The following PLA2G4A variants were observed in gnomAD, a reference collection of about 807,000 sequenced individuals.
The protein encoded by PLA2G4A is phospholipase A2 group IVA.
PLA2G4A carries 40 observed loss-of-function variants against 81.9 expected under a neutral mutation model. The ratio of observed to expected loss-of-function variants is 0.49; its 90% CI spans 0.38 to 0.64. PLA2G4A has a LOEUF of 0.64. Among genes scored for constraint, PLA2G4A ranks in the 30% least tolerant of loss-of-function variants. The probability of loss-of-function intolerance (pLI) is 0.00; values close to 1 mark genes in which losing one functional copy is unlikely to be tolerated. For missense variants in PLA2G4A, 715 were observed against 905.1 expected (o/e 0.79, Z 2.69); for synonymous variants, 302 against 296.9 (o/e 1.02, Z -0.18).
At chr1:186,863,690 A>G (rs1303578970) in intron 2 of PLA2G4A, among the ~76,000 whole-genome samples, 1 of 151,524 alleles carries the variant, frequency 6.6e-6, no homozygotes, top group Non-Finnish European at 1.5e-5. Context: ...CTCTACTTCT[A>G]TGGCATCAAC....
intron 3 of PLA2G4A, among the ~76,000 whole-genome samples, chr1:186,880,948 T>C (rs916821202): frequency 1.3e-5 from 2 of 152,042 alleles, no homozygotes; most frequent in African/African-American, 4.8e-5. Flanking sequence ...TTAGTCTTCT[T>C]TGTGTTGTTT....
intron 10 of PLA2G4A, 55 bp from the exon 11 acceptor site, chr1:186,946,582 C>T: frequency 8.2e-7 from 1 of 1,218,342 alleles, no homozygotes. Flanking sequence ...ATTGTGCACA[C>T]CATGCCATAG....
intron 7 of PLA2G4A, among the ~76,000 whole-genome samples, chr1:186,922,492 G>A (rs964892394): frequency 1.4e-4 from 22 of 152,148 alleles, no homozygotes; most frequent in African/African-American, 3.4e-4. Context: ...GGCCTGCCAC[G>A]CGCTGCTCTG....
chr1:186,971,633 A>G (rs1657359837), intron 15 of PLA2G4A, among the ~76,000 whole-genome samples: 1 of 152,030 alleles, frequency 6.6e-6, no homozygotes, highest in Admixed American at 6.6e-5. Context: ...CAGAGTTGGA[A>G]TATTAAAAGT....
At chr1:186,853,303 A>G (rs1652440528) in intron 1 of PLA2G4A, among the ~76,000 whole-genome samples, 1 of 151,892 alleles carries the variant, frequency 6.6e-6, no homozygotes, top group Non-Finnish European at 1.5e-5. Flanking sequence ...TGCTTTAAGT[A>G]TTAAGAAAAA....
rs910546382 is a variant in PLA2G4A, at chr1:186,829,008, A to C, written c.-97A>C. On this transcript the variant is annotated 5_prime_UTR_variant, in exon 1 of 18. Coordinates refer to ENST00000367466, the MANE Select transcript of PLA2G4A (RefSeq NM_024420.3). Reference sequence around the variant, plus strand: ...AAAAAGGATCCTGACTGAAAGCTAGAGGCATTGAGGAGCCTGAAGATTCTC... The same window carrying C: ...AAAAAGGATCCTGACTGAAAGCTAGCGGCATTGAGGAGCCTGAAGATTCTC... 2.0e-5 allele frequency: 3 copies of C among 152,154 alleles called. No individual in the cohort carries two copies. The highest frequency in any genetic ancestry group is 2.0e-4 in the Admixed American group (3 of 15,266). 9.4% of individuals were successfully genotyped at this position (152,154 alleles called of 1,614,324 possible).
rs539459583 is a variant in PLA2G4A at position 186,946,364 on chromosome 1, C to T, written c.1034-273C>T. Among the ~76,000 whole-genome samples, 34 of 152,188 alleles carry T rather than the reference C, an allele frequency of 2.2e-4. 1 individual carries two copies. Among genetic ancestry groups the T allele is most frequent in the African/African-American group, 8.2e-4 (34 of 41,540 alleles). ...AGAATGAAAACTGGCTTCAAAAAGA[C>T]ATCTGAGTTTTTAAATAGAAAAGTG... On this transcript the variant is annotated intron_variant, in intron 10 of 17. Transcript: ENST00000367466.
chr1:186,961,042 C>A (rs997880053), intron 14 of PLA2G4A, among the ~76,000 whole-genome samples: 1 of 151,902 alleles, frequency 6.6e-6, no homozygotes, highest in Non-Finnish European at 1.5e-5. Flanking sequence ...TTGTTTTTTG[C>A]AACATGGGTG....
At position 186,837,747 on chromosome 1, in the gene PLA2G4A, A is replaced by AAAAAG. The variant is rs1273111393; in HGVS notation, c.-70+8716_-70+8717insGAAAA. On this transcript the variant is annotated intron_variant, in intron 1 of 17. Transcript: ENST00000367466. ...GAGAGACTCCGTCTCAAAAAAAAAAAAAAAAGAAAAAGAAAAGAAAAAAAG... is the reference window on the plus strand; with the variant it reads ...GAGAGACTCCGTCTCAAAAAAAAAAAAAAAGAAAAAGAAAAAGAAAAGAAAAAAAG... 5.4e-4 allele frequency among the ~76,000 whole-genome samples: 80 copies of AAAAAG among 148,450 alleles called. 10 individuals are homozygous for AAAAAG. The highest frequency in any genetic ancestry group is 1.9e-3 in the African/African-American group (74 of 39,596).
Position 186,950,709 on chromosome 1 carries a change from T to C in PLA2G4A, c.1317T>C (p.Asp439=). The change falls in exon 13 of 18, where the codon GAT becomes GAC. Residue 439 remains aspartate, a synonymous_variant. Coordinates refer to ENST00000367466, the MANE Select transcript of PLA2G4A (RefSeq NM_024420.3). ...IVSNDSSDSD[D]ESHEPKGTEN... is the part of the protein sequence containing the mutation. ...GTAATGATAGCTCGGACAGTGATGA[T>C]GAATCACACGAACCCAAAGGTGAGT... is the stretch of plus-strand genomic sequence containing the variant. 1 of 1,598,512 alleles carries C rather than the reference T, an allele frequency of 6.3e-7. No homozygotes were observed. Among genetic ancestry groups the C allele is most frequent in the Non-Finnish European group, 8.6e-7 (1 of 1,166,046 alleles).
At chr1:186,862,223 C>CTTTTTTTTTTTTTTTT (rs66584780) in intron 2 of PLA2G4A, among the ~76,000 whole-genome samples, 27 of 126,276 alleles carry the variant, frequency 2.1e-4, no homozygotes, top group East Asian at 4.4e-4. Flanking sequence ...TAGTTATGAA[C>CTTTTTTTTTTTTTTTT]TTTTTTTTTG....
chr1:186,977,145 A>C (rs968107311), intron 15 of PLA2G4A, among the ~76,000 whole-genome samples: 5 of 152,240 alleles, frequency 3.3e-5, no homozygotes, highest in African/African-American at 1.2e-4. Flanking sequence ...ACATAAAATG[A>C]ATGAAGTTTT....
rs58475951 is a variant in PLA2G4A, at chr1:186,968,400, A to ATGTGTGTGTGTGTGTGTGTG, written c.1764+2821_1764+2840dup. On this transcript the variant is annotated intron_variant, in intron 15 of 17. Coordinates refer to ENST00000367466, the MANE Select transcript of PLA2G4A (RefSeq NM_024420.3). The stretch of plus-strand genomic sequence containing the variant: ...CTTCTAGTCTCTTTTCGCGGTGTGT[A>ATGTGTGTGTGTGTGTGTGTG]TGTGTGTGTGTGTGTGTGTGTGTGT... Among the ~76,000 whole-genome samples, 857 of 137,404 alleles carry ATGTGTGTGTGTGTGTGTGTG rather than the reference A, an allele frequency of 6.2e-3. 23 individuals carry two copies. Among genetic ancestry groups the ATGTGTGTGTGTGTGTGTGTG allele is most frequent in the African/African-American group, 0.021 (739 of 35,920 alleles). The allele number at this position is 137,404 out of a possible 152,430, so 90.1% of individuals were successfully genotyped here.
intron 7 of PLA2G4A, among the ~76,000 whole-genome samples, chr1:186,931,343 G>A (rs977593644): frequency 6.6e-6 from 1 of 152,000 alleles, no homozygotes; most frequent in Admixed American, 6.6e-5. Flanking sequence ...TCGTTATGAG[G>A]TTTCAAGTTT....
At chr1:186,918,508 T>G (rs1655228235) in intron 7 of PLA2G4A, among the ~76,000 whole-genome samples, 1 of 152,220 alleles carries the variant, frequency 6.6e-6, no homozygotes, top group Non-Finnish European at 1.5e-5. Flanking sequence ...TGAAGTGCCC[T>G]GTAGCCACAG....
At chr1:186,983,100 G>A (rs12742851) in intron 17 of PLA2G4A, among the ~76,000 whole-genome samples, 55,631 of 140,794 alleles carry the variant, frequency 0.4, 12,474 homozygotes, top group East Asian at 0.59. Context: ...AAAAAAAAAA[G>A]AAAAGAAAAG....
At chr1:186,964,898 A>C (rs1657080041) in intron 14 of PLA2G4A, among the ~76,000 whole-genome samples, 2 of 152,076 alleles carry the variant, frequency 1.3e-5, no homozygotes, top group South Asian at 4.2e-4. Context: ...ATGCACACTC[A>C]CCCTCAAGAG....
intron 15 of PLA2G4A, among the ~76,000 whole-genome samples, chr1:186,976,454 T>C (rs531773180): frequency 6.6e-6 from 1 of 152,352 alleles, no homozygotes. Flanking sequence ...GCACTTAATA[T>C]GTAGTAAGCA....
At chr1:186,955,947 G>A (rs1649624671) in intron 13 of PLA2G4A, among the ~76,000 whole-genome samples, 155 bp from the exon 14 acceptor site, 1 of 146,250 alleles carries the variant, frequency 6.8e-6, no homozygotes, top group African/African-American at 2.5e-5. Context: ...TCACCTTGTT[G>A]GCCAGGATGG....
Sources: allele counts gnomAD v4.1 joint callset (sites outside exome capture counted in the v4.1 genomes callset), GRCh38; gene constraint gnomAD v4.1.1; transcripts MANE v1.5; gene names NCBI Gene and HGNC (gene_info 2026-07-23, HGNC 2026-07-21).